The following UNC13C variants were observed in gnomAD, a reference collection of about 807,000 sequenced individuals.
The protein encoded by UNC13C is protein unc-13 homolog C.
UNC13C carries 174 observed loss-of-function variants against 245.4 expected under a neutral mutation model. That is an observed-to-expected ratio of 0.71 (90% confidence interval 0.63 to 0.80). The LOEUF (loss-of-function observed/expected upper bound fraction) is 0.80, where lower values mean the gene tolerates loss of function less well. Among genes scored for constraint, UNC13C ranks in the 30% least tolerant of loss-of-function variants. The pLI is 0.00. For synonymous variants in UNC13C, 992 were observed against 895.1 expected, an observed-to-expected ratio of 1.11 and a Z score of -1.93; for missense variants, 2,829 against 2,602.9, an observed-to-expected ratio of 1.09 and a Z score of -1.89.
At chr15:54,115,675 A>G (rs922000195) in intron 2 of UNC13C, among the ~76,000 whole-genome samples, 15 of 152,036 alleles carry the variant, frequency 9.9e-5, no homozygotes, top group African/African-American at 3.6e-4. Context: ...ATTTGGTTAA[A>G]ACTTAAAAGG....
At position 54,621,299 on chromosome 15, in the gene UNC13C, G is replaced by A. The variant is rs769170092; in HGVS notation, c.6107-1028G>A. Reference sequence around the variant, plus strand: ...CAGTCTCTGTGGTAGAAATTAAAACGCCACATAACTTTGACAAAAATACTA... The same window carrying A: ...CAGTCTCTGTGGTAGAAATTAAAACACCACATAACTTTGACAAAAATACTA... On this transcript the variant is annotated intron_variant, in intron 30 of 32. Coordinates refer to ENST00000260323, the MANE Select transcript of UNC13C (RefSeq NM_001080534.3). 6.0e-4 allele frequency among the ~76,000 whole-genome samples: 92 copies of A among 152,122 alleles called. 2 individuals are homozygous for A. The Middle Eastern group carries it at 0.01, about 17-fold the overall frequency.
chr15:54,629,693 A>C (rs1242845830), downstream of UNC13C: 1 of 152,194 alleles, frequency 6.6e-6, no homozygotes, highest in African/African-American at 2.4e-5. Context: ...ACATTGACTT[A>C]AGCTCTTTAG....
chr15:54,491,292 T>G (rs1893691202), intron 19 of UNC13C, among the ~76,000 whole-genome samples: 1 of 152,064 alleles, frequency 6.6e-6, no homozygotes, highest in African/African-American at 2.4e-5. Context: ...TAGACCTAAA[T>G]AGTTATAATT....
At chr15:54,599,654 G>A (rs1899296022) in intron 30 of UNC13C, among the ~76,000 whole-genome samples, 1 of 152,002 alleles carries the variant, frequency 6.6e-6, no homozygotes, top group African/African-American at 2.4e-5. Context: ...GAAACACATG[G>A]TTGTCTAGAC....
intron 4 of UNC13C, among the ~76,000 whole-genome samples, chr15:54,150,849 G>T (rs1486917305): frequency 6.6e-6 from 1 of 152,090 alleles, no homozygotes; most frequent in Non-Finnish European, 1.5e-5. Context: ...TCCCAACCAG[G>T]CTTAGTTAAA....
the UNC13C span, among the ~76,000 whole-genome samples, chr15:53,970,574 C>A: frequency 6.6e-6 from 1 of 152,100 alleles, no homozygotes; most frequent in Non-Finnish European, 1.5e-5. Flanking sequence ...CAAACTAATG[C>A]AGAAACAGAA....
chr15:54,013,229 C>A lies in UNC13C; in HGVS notation c.326C>A (p.Thr109Asn), dbSNP rs758665160. 2 of 1,613,710 alleles carry A rather than the reference C, an allele frequency of 1.2e-6. No homozygotes were observed. Among genetic ancestry groups the A allele is most frequent in the Non-Finnish European group, 1.7e-6 (2 of 1,179,812 alleles). The change falls in exon 2 of 33, where the codon ACC (threonine) becomes AAC (asparagine). Residue 109 changes from threonine to asparagine, a missense_variant. Thr to Asn is a moderately conservative substitution (Grantham distance 65). Transcript: ENST00000260323. ...ANGLQKNAKVTNSDNEDLLQE... is the reference protein window; with the variant it reads ...ANGLQKNAKVNNSDNEDLLQE... ...GGCCTACAAAAGAATGCTAAAGTAA[C>A]CAACAGTGATAATGAGGATCTGCTT...
At chr15:54,058,766 A>T (rs533406507) in intron 2 of UNC13C, among the ~76,000 whole-genome samples, 4 of 152,348 alleles carry the variant, frequency 2.6e-5, no homozygotes, top group Non-Finnish European at 5.9e-5. Context: ...ATCCACCATG[A>T]TCATGTGGGC....
chr15:54,378,092 A>G (rs975079053), intron 17 of UNC13C, among the ~76,000 whole-genome samples: 1 of 152,094 alleles, frequency 6.6e-6, no homozygotes, highest in African/African-American at 2.4e-5. Context: ...TAACATTTGG[A>G]GACATCAGAT....
chr15:54,626,595 G>A (rs1297862438), intron 32 of UNC13C, among the ~76,000 whole-genome samples: 1 of 152,138 alleles, frequency 6.6e-6, no homozygotes, highest in Non-Finnish European at 1.5e-5. Context: ...GACTGATTAA[G>A]TGTAACATAG....
chr15:54,018,512 A>G (rs1460736248), intron 2 of UNC13C, among the ~76,000 whole-genome samples: 1 of 152,240 alleles, frequency 6.6e-6, no homozygotes, highest in Non-Finnish European at 1.5e-5. Flanking sequence ...TCCACCTTAA[A>G]CAGCATTCCA....
chr15:54,350,552 A>G (rs2038959864), intron 17 of UNC13C, among the ~76,000 whole-genome samples: 1 of 152,222 alleles, frequency 6.6e-6, no homozygotes, highest in Non-Finnish European at 1.5e-5. Context: ...GAGTAAGTCT[A>G]AAGGTCTGCA....
chr15:54,552,852 A>T (rs189876884), intron 28 of UNC13C, among the ~76,000 whole-genome samples: 15 of 14,922 alleles, frequency 1.0e-3, no homozygotes, highest in East Asian at 3.2e-3. Flanking sequence ...ACAATATATA[A>T]TATATATTAA....
intron 14 of UNC13C, among the ~76,000 whole-genome samples, chr15:54,329,550 T>C (rs2038386916): frequency 6.6e-6 from 1 of 152,056 alleles, no homozygotes; most frequent in African/African-American, 2.4e-5. Context: ...ACCCAGTCTT[T>C]CGTTATTCCA....
At chr15:54,150,880 A>C (rs1001559498) in intron 4 of UNC13C, among the ~76,000 whole-genome samples, 3 of 152,192 alleles carry the variant, frequency 2.0e-5, no homozygotes, top group South Asian at 4.1e-4. Flanking sequence ...CTTGGGGTAG[A>C]TTATAAATAG....
the UNC13C span, among the ~76,000 whole-genome samples, chr15:53,966,510 T>C: frequency 6.6e-6 from 1 of 152,204 alleles, no homozygotes; most frequent in Non-Finnish European, 1.5e-5. Flanking sequence ...AGTTTGTTTG[T>C]GTTGGATGAA....
chr15:53,991,313 T>A (rs1238712902), intron 1 of UNC13C, among the ~76,000 whole-genome samples: 1 of 151,932 alleles, frequency 6.6e-6, no homozygotes, highest in Non-Finnish European at 1.5e-5. Flanking sequence ...TCCACTAAGA[T>A]GAAGTAGACC....
At chr15:54,622,184 T>C in intron 30 of UNC13C, 143 bp from the exon 31 acceptor site, 1 of 595,910 alleles carries the variant, frequency 1.7e-6, no homozygotes, top group Non-Finnish European at 3.0e-6. Flanking sequence ...TAAGTGAATA[T>C]TTATCATCAC....
At chr15:54,129,963 C>T (rs901310343) in intron 2 of UNC13C, among the ~76,000 whole-genome samples, 3 of 148,186 alleles carry the variant, frequency 2.0e-5, no homozygotes, top group South Asian at 2.1e-4. Flanking sequence ...ATCTATTTTA[C>T]TTTTTTGTTA....
Sources: gnomAD v4.1 joint callset for allele counts (sites outside exome capture counted in the v4.1 genomes callset) on GRCh38, gnomAD v4.1.1 for gene constraint, MANE v1.5 for transcripts, NCBI Gene and HGNC (gene_info 2026-07-23, HGNC 2026-07-21) for gene names.